The following NAV1 variants were observed in gnomAD, a reference collection of about 807,000 sequenced individuals.
The protein encoded by NAV1 is neuron navigator 1, also known as pore membrane and/or filament interacting like protein 3.
A neutral mutation model predicts 175.2 loss-of-function variants in NAV1; 18 were observed. The ratio of observed to expected loss-of-function variants is 0.10; its 90% CI spans 0.07 to 0.15. The LOEUF is 0.15. Ranked by LOEUF, NAV1 falls within the 10% of genes least tolerant of loss-of-function variation. The probability of loss-of-function intolerance (pLI) is 1.00; values close to 1 mark genes in which losing one functional copy is unlikely to be tolerated. For synonymous variants in NAV1, 897 were observed against 978.7 expected (o/e 0.92, Z 1.56); for missense variants, 1,731 against 2,436.6 (o/e 0.71, Z 6.10).
At chr1:201,642,197 CTTCCTTT>C (rs879440019) in intron 2 of NAV1, among the ~76,000 whole-genome samples, 4,351 of 132,632 alleles carry the variant, frequency 0.033, 284 homozygotes, top group African/African-American at 0.12. Context: ...TCCCTCCTTT[CTTCCTTT>C]CTTCCTTCCC....
rs552122970 is a variant in NAV1, at chr1:201,722,691, A to G, written c.1226+3936A>G. 5.3e-5 allele frequency among the ~76,000 whole-genome samples: 8 copies of G among 152,094 alleles called. 1 individual carries two copies. Among genetic ancestry groups the G allele is most frequent in the African/African-American group, 1.9e-4 (8 of 41,482 alleles). ...TTTGTTTGTTTGTTTGTTTTGAGGAACCACCATACCGTTTTCCACAATGGC... is the reference window on the plus strand; with the variant it reads ...TTTGTTTGTTTGTTTGTTTTGAGGAGCCACCATACCGTTTTCCACAATGGC... On this transcript the variant is annotated intron_variant, in intron 3 of 29. Transcript: ENST00000367296.
At chr1:201,679,111 G>A (rs569235114) in intron 1 of NAV1, among the ~76,000 whole-genome samples, 1 of 152,176 alleles carries the variant, frequency 6.6e-6, no homozygotes, top group East Asian at 1.9e-4. Flanking sequence ...TGACTGCAGC[G>A]GGGAGCCAAC....
intron 10 of NAV1, among the ~76,000 whole-genome samples, chr1:201,789,313 C>G (rs525464): frequency 6.6e-6 from 1 of 152,166 alleles, no homozygotes; most frequent in Non-Finnish European, 1.5e-5. Flanking sequence ...CCCCAAGATC[C>G]TAAGCACATC....
chr1:201,818,378 A>C (rs1161014474), intron 29 of NAV1, among the ~76,000 whole-genome samples: 1 of 151,688 alleles, frequency 6.6e-6, no homozygotes, highest in East Asian at 1.9e-4. Context: ...AATACAAAAA[A>C]TTAGCCAGGC....
intron 1 of NAV1, among the ~76,000 whole-genome samples, chr1:201,666,858 T>C (rs1279726455): frequency 6.6e-6 from 1 of 152,122 alleles, no homozygotes; most frequent in Non-Finnish European, 1.5e-5. Flanking sequence ...GTGGGCTCCT[T>C]GGCAGAACCA....
chr1:201,602,696 G>A (rs1667559443), intron 2 of NAV1, among the ~76,000 whole-genome samples: 1 of 144,220 alleles, frequency 6.9e-6, no homozygotes, highest in South Asian at 2.2e-4. Context: ...CTCATCCAGA[G>A]TTCTTCAGCC....
At chr1:201,793,963 C>A in intron 14 of NAV1, 88 bp downstream of exon 18, 1 of 1,123,270 alleles carries the variant, frequency 8.9e-7, no homozygotes, top group Non-Finnish European at 1.3e-6. Flanking sequence ...TCTGTTCTTG[C>A]TCATGAATGC....
chr1:201,696,557 C>T (rs1175012851), intron 1 of NAV1, among the ~76,000 whole-genome samples: 1 of 152,196 alleles, frequency 6.6e-6, no homozygotes, highest in African/African-American at 2.4e-5. Flanking sequence ...CTTGGCCTGG[C>T]TGGTGGCCCA....
At chr1:201,755,071 C>G (rs1354622056) in intron 3 of NAV1, among the ~76,000 whole-genome samples, 2 of 152,110 alleles carry the variant, frequency 1.3e-5, no homozygotes, top group African/African-American at 4.8e-5. Context: ...AGAGTAAAGA[C>G]AACATGTTAC....
At chr1:201,767,802 G>A (rs1675309698) in intron 3 of NAV1, among the ~76,000 whole-genome samples, 1 of 152,208 alleles carries the variant, frequency 6.6e-6, no homozygotes. Context: ...ATGACTGTCT[G>A]AGTGACCTTT....
chr1:201,570,531 G>A (rs1666502602), intron 1 of NAV1, among the ~76,000 whole-genome samples: 1 of 152,234 alleles, frequency 6.6e-6, no homozygotes, highest in Non-Finnish European at 1.5e-5. Context: ...CTCAGGGCTG[G>A]GTGTGGTGAA....
At chr1:201,802,131 C>T (rs1363796530) in intron 15 of NAV1, among the ~76,000 whole-genome samples, 1 of 46,212 alleles carries the variant, frequency 2.2e-5, no homozygotes, top group African/African-American at 4.7e-5. Flanking sequence ...AGCGAGACTC[C>T]GTCTCAAAAA....
chr1:201,781,072 T>A, exon 5 of NAV1: 1 of 1,614,164 alleles, frequency 6.2e-7, no homozygotes, highest in South Asian at 1.1e-5. Flanking sequence ...GTTTAGTGAA[T>A]CAGAGGAGAA....
At chr1:201,764,264 C>T (rs997398151) in intron 3 of NAV1, among the ~76,000 whole-genome samples, 3 of 152,152 alleles carry the variant, frequency 2.0e-5, no homozygotes, top group African/African-American at 4.8e-5. Context: ...GCTGACATAA[C>T]AAAATACCAC....
intron 1 of NAV1, among the ~76,000 whole-genome samples, chr1:201,658,316 G>A (rs987107326): frequency 2.6e-5 from 4 of 152,206 alleles, no homozygotes; most frequent in South Asian, 2.1e-4. Context: ...AGCATGCTGC[G>A]AAGAAGCCAG....
Position 201,808,278 on chromosome 1 carries a change from C to A in NAV1, c.3845+129C>A. 2 of 1,382,906 alleles carry A rather than the reference C, an allele frequency of 1.4e-6. No homozygotes were observed. The highest frequency in any genetic ancestry group is 2.0e-6 in the Non-Finnish European group (2 of 1,011,352). 85.7% of individuals were successfully genotyped at this position (1,382,906 alleles called of 1,614,324 possible). A position where few individuals can be genotyped will look rare whatever the true frequency, so the allele number is the denominator to read the frequency against. The stretch of plus-strand genomic sequence containing the variant: ...TGACCTCTCCCTGGGCATATGAGAC[C>A]AACAGATGGACCTTTCTTCTCATGC... On this transcript the variant is annotated intron_variant, in intron 18 of 29. Coordinates refer to ENST00000367296, the Ensembl canonical transcript of NAV1. This position sits in a 1 kb window ranked among gnomAD's most constrained non-coding sequence, Gnocchi z 5.5.
In NAV1 at chr1:201,648,417, A is replaced by G. The variant is rs1669054485; in HGVS notation, c.-252A>G. On this transcript the variant is annotated 5_prime_UTR_variant, in exon 1 of 30. Coordinates refer to ENST00000367296, the Ensembl canonical transcript of NAV1. The stretch of plus-strand genomic sequence containing the variant: ...GCCCCTTTTCCTCCGACCCCGCCCT[A>G]TCGCTCCCCGGCTTCCCTGCTCTTT... 5 of 1,216,336 alleles carry G rather than the reference A, an allele frequency of 4.1e-6. No individual in the cohort carries two copies. The East Asian group carries it at 1.3e-4, about 31-fold the overall frequency. 75.3% of individuals were successfully genotyped at this position (1,216,336 alleles called of 1,614,324 possible).
chr1:201,782,325 T>G lies in NAV1; in HGVS notation c.1813T>G (p.Phe605Val). 6.2e-7 allele frequency: 1 copy of G among 1,614,168 alleles called. No individual in the cohort carries two copies. The highest frequency in any genetic ancestry group is 2.2e-5 in the East Asian group (1 of 44,856). ...TGCTCGCCCCTCCACTTCGGGATCC[T>G]TTGGCTACAAGAAGCCTCCTCCTGC... Residue 605 changes from phenylalanine to valine, a missense_variant, in exon 6 of 30, where the codon TTT (phenylalanine) becomes GTT (valine). Physicochemically the swap from Phe to Val is conservative, Grantham distance 50. Around this residue, in one of 13 missense-constraint regions of NAV1, gnomAD observed 634 missense variants for 766.8 expected, o/e 0.83. Transcript: ENST00000367296. This position sits in a 1 kb window ranked among gnomAD's most constrained non-coding sequence, Gnocchi z 5.4.
chr1:201,641,714 T>A (rs1668756701), intron 2 of NAV1, among the ~76,000 whole-genome samples: 1 of 152,170 alleles, frequency 6.6e-6, no homozygotes, highest in African/African-American at 2.4e-5. Context: ...AACTCCATGC[T>A]GGTCCAGAGT....
Sources: allele counts gnomAD v4.1 joint callset (sites outside exome capture counted in the v4.1 genomes callset), GRCh38; gene constraint gnomAD v4.1.1; regional missense constraint gnomAD v4.1.1; non-coding constraint Gnocchi (gnomAD v3.1); transcripts MANE v1.5; gene names NCBI Gene and HGNC (gene_info 2026-07-23, HGNC 2026-07-21).